ANP32E: variants seen among roughly 807,000 people sequenced by gnomAD.
ANP32E encodes acidic leucine-rich nuclear phosphoprotein 32 family member E.
ANP32E carries 14 observed loss-of-function variants against 35.3 expected under a neutral mutation model. That is an observed-to-expected ratio of 0.40 (90% CI 0.26 to 0.62). The LOEUF is 0.62. Among genes scored for constraint, ANP32E ranks in the 20% least tolerant of loss-of-function variants. The pLI, the probability that ANP32E is intolerant of heterozygous loss-of-function variation, is 0.45. For synonymous variants in ANP32E, 89 were observed against 110.4 expected (o/e 0.81, Z 1.22); for missense variants, 198 against 304.4 (o/e 0.65, Z 2.60).
chr1:150,228,926 C>A, intron 4 of ANP32E, 146 bp downstream of exon 4: 1 of 644,622 alleles, frequency 1.6e-6, no homozygotes, highest in Non-Finnish European at 2.6e-6. Flanking sequence ...CTGGCTAGAG[C>A]TATGGGTTTT....
chr1:150,225,691 A>AAAG (rs1648815630), intron 5 of ANP32E, among the ~76,000 whole-genome samples: 2 of 149,352 alleles, frequency 1.3e-5, no homozygotes, highest in African/African-American at 4.9e-5. Flanking sequence ...AAAAAAAAAA[A>AAAG]GCAGAAGGAA....
At chr1:150,234,410 T>A (rs1205975914) in intron 1 of ANP32E, among the ~76,000 whole-genome samples, 2 of 137,858 alleles carry the variant, frequency 1.5e-5, no homozygotes, top group Non-Finnish European at 3.1e-5. Flanking sequence ...CCTGCCAATT[T>A]CAGAAAACAG....
At position 150,235,614 on chromosome 1, in the gene ANP32E, C is replaced by G; in HGVS notation, c.54+119G>C. The G allele has an allele frequency of 9.2e-7, 1 of 1,085,990 alleles. No individual in the cohort carries two copies. Among genetic ancestry groups the G allele is most frequent in the Non-Finnish European group, 1.4e-6 (1 of 739,952 alleles). 67.3% of individuals were successfully genotyped at this position (1,085,990 alleles called of 1,614,324 possible). On this transcript the variant is annotated intron_variant, in intron 1 of 6. Transcript: ENST00000583931. The surrounding 1 kb of genome is among the most constrained non-coding windows in gnomAD (Gnocchi z 4.2). ...AAATTAAACATTTCCCCAACCCTAACCCGGGGGGATGGGGGCTAACTTATT... is the reference window on the plus strand; with the variant it reads ...AAATTAAACATTTCCCCAACCCTAAGCCGGGGGGATGGGGGCTAACTTATT...
chr1:150,226,550 G>C, intron 5 of ANP32E, 58 bp downstream of exon 5: 1 of 1,592,396 alleles, frequency 6.3e-7, no homozygotes, highest in Non-Finnish European at 8.5e-7. Flanking sequence ...ACTTTATATA[G>C]TACTTACTCC....
intron 1 of ANP32E, among the ~76,000 whole-genome samples, chr1:150,233,768 G>A (rs587628365): frequency 3.2e-4 from 49 of 152,202 alleles, no homozygotes; most frequent in Non-Finnish European, 7.1e-4. Context: ...TTATTTCTGT[G>A]GCCAGAAAGA....
rs149106860 is a variant in ANP32E at position 150,231,730 on chromosome 1, T to C, written c.204+47A>G. On this transcript the variant is annotated intron_variant, in intron 2 of 6. Coordinates refer to ENST00000583931, the MANE Select transcript of ANP32E (RefSeq NM_030920.5). ...TCCATTTGGCCAAACACTAGACATA[T>C]AGCCGTGGCATTGAAATCATGATGC... 9.1e-6 allele frequency: 14 copies of C among 1,535,160 alleles called. No homozygotes were observed. In the Admixed American group the frequency reaches 1.4e-4, roughly 16 times the overall value.
intron 5 of ANP32E, among the ~76,000 whole-genome samples, chr1:150,224,308 C>A (rs1648696574): frequency 6.6e-6 from 1 of 152,120 alleles, no homozygotes; most frequent in Non-Finnish European, 1.5e-5. Context: ...GGTGCAGCGG[C>A]TCACCTGTAA....
chr1:150,232,547 T>C (rs1649447731), intron 1 of ANP32E, among the ~76,000 whole-genome samples: 2 of 148,132 alleles, frequency 1.4e-5, no homozygotes, highest in South Asian at 2.1e-4. Context: ...CTCGGCTCAC[T>C]GTAACCTCTG....
At chr1:150,231,377 C>T (rs1395054040) in intron 2 of ANP32E, among the ~76,000 whole-genome samples, 3 of 152,142 alleles carry the variant, frequency 2.0e-5, no homozygotes, top group East Asian at 3.9e-4. Context: ...GGAGGATGAC[C>T]GGAGCCCAGG....
chr1:150,231,682 T>A (rs1318815442), intron 2 of ANP32E, 95 bp downstream of exon 2: 2 of 1,386,554 alleles, frequency 1.4e-6, no homozygotes, highest in Admixed American at 5.6e-5. Flanking sequence ...TAAAAACTTC[T>A]AATTAACAAG....
chr1:150,229,002 C>T, intron 4 of ANP32E, 70 bp downstream of exon 4: 1 of 1,402,204 alleles, frequency 7.1e-7, no homozygotes, highest in Non-Finnish European at 9.6e-7. Context: ...ATTTCCAGGC[C>T]CAATCTAATT....
intron 6 of ANP32E, among the ~76,000 whole-genome samples, 166 bp downstream of exon 6, chr1:150,223,020 A>G (rs915365028): frequency 6.6e-5 from 10 of 152,090 alleles, no homozygotes; most frequent in South Asian, 2.1e-4. Context: ...TAAAAAAAAA[A>G]CTTTTATAAC....
rs200601091 is a variant in ANP32E, at chr1:150,231,813, C to A, written c.168G>T (p.Ser56=). The A allele has an allele frequency of 6.2e-7, 1 of 1,603,916 alleles. No homozygotes were observed. The highest frequency in any genetic ancestry group is 8.5e-7 in the Non-Finnish European group (1 of 1,177,818). The change falls in exon 2 of 7, where the codon TCG becomes TCT. Residue 56 remains serine, a synonymous_variant. Coordinates refer to ENST00000583931, the MANE Select transcript of ANP32E (RefSeq NM_030920.5). ...FLSMANVELS[S]LARLPSLNKL... ...TATTTAAGCTGGGAAGCCGGGCCAGCGAACTTAGTTCCACATTAGCCATAC... is the reference window on the plus strand; with the variant it reads ...TATTTAAGCTGGGAAGCCGGGCCAGAGAACTTAGTTCCACATTAGCCATAC...
intron 1 of ANP32E, among the ~76,000 whole-genome samples, chr1:150,233,509 C>A (rs1649541603): frequency 6.6e-6 from 1 of 152,162 alleles, no homozygotes; most frequent in Non-Finnish European, 1.5e-5. Flanking sequence ...CTTCTCCCTA[C>A]CACTCTGGTA....
At position 150,222,312 on chromosome 1, in the gene ANP32E, G is replaced by A. The variant is rs1055353308; in HGVS notation, c.736+874C>T. 7.3e-5 allele frequency among the ~76,000 whole-genome samples: 11 copies of A among 151,430 alleles called. 2 individuals are homozygous for A. The South Asian group carries it at 1.9e-3, about 26-fold the overall frequency. On this transcript the variant is annotated intron_variant, in intron 6 of 6. Transcript: ENST00000583931. ...GCGGCGCCTATAGTCCCAGCTACTC[G>A]GGAGGCTGAGGCAGGAGAATGGCGT...
chr1:150,231,097 T>C (rs1649314642), intron 2 of ANP32E, among the ~76,000 whole-genome samples: 1 of 152,236 alleles, frequency 6.6e-6, no homozygotes, highest in Non-Finnish European at 1.5e-5. Context: ...TCATTCTCTC[T>C]GGCTTCAAGA....
In ANP32E at chr1:150,235,491, G is replaced by A. The variant is rs1015502892; in HGVS notation, c.54+242C>T. 6.6e-6 allele frequency among the ~76,000 whole-genome samples: 1 copy of A among 152,248 alleles called. No individual in the cohort carries two copies. Among genetic ancestry groups the A allele is most frequent in the African/African-American group, 2.4e-5 (1 of 41,472 alleles). ...GGTCAGGACGCCCGACTCGATGAAA[G>A]CCGAAAGGAGCTAAGCCCCCATGCA... On this transcript the variant is annotated intron_variant, in intron 1 of 6. Coordinates refer to ENST00000583931, the MANE Select transcript of ANP32E (RefSeq NM_030920.5). This position sits in a 1 kb window ranked among gnomAD's most constrained non-coding sequence, Gnocchi z 4.2.
At chr1:150,229,863 C>G (rs587617666) in intron 3 of ANP32E, among the ~76,000 whole-genome samples, 1 of 152,240 alleles carries the variant, frequency 6.6e-6, no homozygotes, top group Non-Finnish European at 1.5e-5. Flanking sequence ...CGGCTCACCT[C>G]GGCCTCCCAA....
intron 4 of ANP32E, among the ~76,000 whole-genome samples, chr1:150,227,329 A>G (rs1297846031): frequency 1.3e-5 from 2 of 152,186 alleles, no homozygotes; most frequent in African/African-American, 2.4e-5. Flanking sequence ...CACAATATCA[A>G]AGACATGGAA....
Sources: gnomAD v4.1 joint callset for allele counts (sites outside exome capture counted in the v4.1 genomes callset) on GRCh38, gnomAD v4.1.1 for gene constraint, Gnocchi (gnomAD v3.1) non-coding constraint, MANE v1.5 for transcripts, NCBI Gene and HGNC (gene_info 2026-07-23, HGNC 2026-07-21) for gene names.